Variants in ST6GALNAC4 observed in about 807,000 individuals in gnomAD.
ST6GALNAC4 encodes the protein ST6 N-acetylgalactosaminide alpha-2,6-sialyltransferase 4, also known as alpha-N-acetyl-neuraminyl-2,3-beta-galactosyl-1,3-N-acetyl-galactosaminide alpha-2,6-sialyltransferase.
Under a neutral mutation model 30.4 loss-of-function variants are expected in ST6GALNAC4, and 24 were observed. That is an observed-to-expected ratio of 0.79 (90% confidence interval 0.57 to 1.11). ST6GALNAC4 has a LOEUF of 1.11. Ranked by LOEUF, ST6GALNAC4 falls within the 50% of genes most tolerant of loss-of-function variation. ST6GALNAC4 has a pLI of 0.00. For missense variants in ST6GALNAC4, 365 were observed against 430.1 expected, an observed-to-expected ratio of 0.85 and a Z score of 1.34; for synonymous variants, 156 against 179.7, an observed-to-expected ratio of 0.87 and a Z score of 1.05.
At chr9:127,916,713 A>G (rs979742213) in intron 1 of ST6GALNAC4, 113 bp downstream of exon 1, 2 of 545,492 alleles carry the variant, frequency 3.7e-6, no homozygotes, top group Non-Finnish European at 6.6e-6. Flanking sequence ...CCCAATTCCC[A>G]GTGCGCAGAT....
chr9:127,910,634 G>A (rs1831055206), intron 4 of ST6GALNAC4: 37 of 987,190 alleles, frequency 3.7e-5, no homozygotes, highest in Non-Finnish European at 4.5e-5. Flanking sequence ...GCTAGGTGGT[G>A]GCCCCAGCCT....
chr9:127,908,296 G>T lies in ST6GALNAC4; in HGVS notation c.*96C>A. The T allele has an allele frequency of 7.9e-7, 1 of 1,262,558 alleles. No homozygotes were observed. The highest frequency in any genetic ancestry group is 1.1e-6 in the Non-Finnish European group (1 of 935,142). 78.2% of individuals were successfully genotyped at this position (1,262,558 alleles called of 1,614,324 possible). The stretch of plus-strand genomic sequence containing the variant: ...CCACCCAGCACGTGGCAGGAGGCAG[G>T]ATCCATAAATTAAATGTTTTTGTGG... On this transcript the variant is annotated 3_prime_UTR_variant, in exon 6 of 6. Transcript: ENST00000335791.
chr9:127,914,376 A>G (rs112186185), intron 3 of ST6GALNAC4, among the ~76,000 whole-genome samples: 74 of 143,072 alleles, frequency 5.2e-4, no homozygotes, highest in African/African-American at 1.7e-3. Context: ...CTGGGCAACA[A>G]GAGCAAAACT....
intron 5 of ST6GALNAC4, among the ~76,000 whole-genome samples, 169 bp from the exon 6 acceptor site, chr9:127,908,750 G>C (rs41312218): frequency 0.014 from 2,141 of 151,914 alleles, 22 homozygotes; most frequent in Non-Finnish European, 0.024. Flanking sequence ...CGAGAGCCAG[G>C]GTTCGAGTCC....
rs1352615588 is a variant in ST6GALNAC4 at position 127,908,187 on chromosome 9, G to T, written c.*205C>A. ...TCAGGGAGTGGAGGGGGGAGACACG[G>T]CTCCCCCCTCCACTCCCCTTCAAGT... On this transcript the variant is annotated 3_prime_UTR_variant, in exon 6 of 6. Coordinates refer to ENST00000335791, the MANE Select transcript of ST6GALNAC4 (RefSeq NM_175039.4). 1.3e-5 allele frequency: 3 copies of T among 231,108 alleles called. No homozygotes were observed. The highest frequency in any genetic ancestry group is 7.0e-5 in the East Asian group (1 of 14,296). The allele number at this position is 231,108 out of a possible 1,614,324, so 14.3% of individuals were successfully genotyped here. A position where few individuals can be genotyped will look rare whatever the true frequency, so the allele number is the denominator to read the frequency against.
chr9:127,915,300 A>G (rs1412005282), intron 2 of ST6GALNAC4, among the ~76,000 whole-genome samples: 1 of 152,070 alleles, frequency 6.6e-6, no homozygotes, highest in Non-Finnish European at 1.5e-5. Context: ...CCTTCTGTAT[A>G]CTGTAAAGTG....
chr9:127,914,521 A>G (rs1298132772), intron 3 of ST6GALNAC4, 135 bp downstream of exon 3: 13 of 448,378 alleles, frequency 2.9e-5, no homozygotes, highest in Non-Finnish European at 4.4e-5. Flanking sequence ...AAAAAAAAAG[A>G]ACCTAGGGCT....
intron 3 of ST6GALNAC4, 129 bp downstream of exon 3, chr9:127,914,527 G>C: frequency 4.5e-6 from 1 of 222,888 alleles, no homozygotes. Context: ...AAAGAACCTA[G>C]GGCTCAGAGA....
intron 5 of ST6GALNAC4, among the ~76,000 whole-genome samples, chr9:127,908,826 C>T (rs1048450053): frequency 6.6e-6 from 1 of 152,124 alleles, no homozygotes; most frequent in Non-Finnish European, 1.5e-5. Context: ...CTCAAGAGCC[C>T]GTGTGTAAAA....
rs144354490 is a variant in ST6GALNAC4 at position 127,909,076 on chromosome 9, A to C, written c.720-495T>G. The stretch of plus-strand genomic sequence containing the variant: ...CTCGGTGACCTGTTGTGAACTCGTT[A>C]GTTTCCATAATATTGAAATATAATA... On this transcript the variant is annotated intron_variant, in intron 5 of 5. Coordinates refer to ENST00000335791, the MANE Select transcript of ST6GALNAC4 (RefSeq NM_175039.4). Among the ~76,000 whole-genome samples the C allele has an allele frequency of 2.0e-3, 297 of 152,130 alleles. 7 individuals are homozygous for C. The highest frequency in any genetic ancestry group is 0.011 in the East Asian group (55 of 5,162).
chr9:127,912,510 G>A lies in ST6GALNAC4; in HGVS notation c.369C>T (p.Val123=), dbSNP rs143312362. The A allele has an allele frequency of 4.3e-5, 70 of 1,613,710 alleles. No individual in the cohort carries two copies. Among genetic ancestry groups the A allele is most frequent in the Non-Finnish European group, 5.6e-5 (66 of 1,179,912 alleles). The change falls in exon 4 of 6, where the codon GTC becomes GTT. Residue 123 remains valine (V), a synonymous_variant. Transcript: ENST00000335791. The part of the protein sequence containing the change: ...ADVGQRSTLR[V]VSHTSVPLLL... ...GCAGCGGCACGCTTGTGTGTGAGACGACACGCAGGGTGCTGCGCTGGCCCA... is the reference window on the plus strand; with the variant it reads ...GCAGCGGCACGCTTGTGTGTGAGACAACACGCAGGGTGCTGCGCTGGCCCA...
intron 5 of ST6GALNAC4, among the ~76,000 whole-genome samples, chr9:127,909,408 A>G (rs982550227): frequency 3.3e-5 from 5 of 151,342 alleles, no homozygotes; most frequent in Admixed American, 1.3e-4. Flanking sequence ...AAAAAGAAAT[A>G]TAATAATATA....
chr9:127,910,521 T>G (rs1297269364), intron 4 of ST6GALNAC4: 7 of 998,476 alleles, frequency 7.0e-6, no homozygotes. Flanking sequence ...CTGAGCCTCA[T>G]GACCAGTCTG....
At chr9:127,916,017 G>A (rs2131627136) in intron 2 of ST6GALNAC4, 1 of 300,838 alleles carries the variant, frequency 3.3e-6, no homozygotes, top group Admixed American at 4.7e-5. Flanking sequence ...CCCTGCCCAT[G>A]AGGAACCAGA....
chr9:127,912,670 C>G lies in ST6GALNAC4; in HGVS notation c.209G>C (p.Arg70Pro). 6.4e-7 allele frequency: 1 copy of G among 1,572,386 alleles called. No individual in the cohort carries two copies. The highest frequency in any genetic ancestry group is 8.6e-7 in the Non-Finnish European group (1 of 1,160,702). The part of the protein sequence containing the change: ...SSVPDGKPLV[R>P]EPCRSCAVVS... ...CACGGCACAGCTGCGGCAGGGCTCGCGGACCAGCGGCTGCAGGGCAGGCAG... is the reference window on the plus strand; with the variant it reads ...CACGGCACAGCTGCGGCAGGGCTCGGGGACCAGCGGCTGCAGGGCAGGCAG... Residue 70 changes from arginine (R) to proline (P), a missense_variant, in exon 4 of 6, where the codon CGC (arginine) becomes CCC (proline). Arg to Pro is a moderately radical substitution (Grantham distance 103). Coordinates refer to ENST00000335791, the MANE Select transcript of ST6GALNAC4 (RefSeq NM_175039.4).
intron 4 of ST6GALNAC4, 85 bp from the exon 5 acceptor site, chr9:127,910,143 C>T (rs1831044516): frequency 2.6e-6 from 4 of 1,537,212 alleles, no homozygotes; most frequent in Admixed American, 4.0e-5. Context: ...GGTACTTTGC[C>T]AGCCCGGGGC....
intron 4 of ST6GALNAC4, chr9:127,910,389 G>A: frequency 5.4e-6 from 6 of 1,107,822 alleles, no homozygotes; most frequent in Non-Finnish European, 6.7e-6. Context: ...CCAGGCCTGG[G>A]GAGACAGCAT....
At chr9:127,915,442 C>A (rs1831175781) in intron 2 of ST6GALNAC4, among the ~76,000 whole-genome samples, 1 of 152,200 alleles carries the variant, frequency 6.6e-6, no homozygotes, top group African/African-American at 2.4e-5. Flanking sequence ...CCCTGGTGAT[C>A]CGGATCTGGG....
intron 4 of ST6GALNAC4, 64 bp downstream of exon 4, chr9:127,912,197 GGACAAGA>G: frequency 6.5e-7 from 1 of 1,543,118 alleles, no homozygotes; most frequent in East Asian, 2.3e-5. Context: ...AGCCCCTGAT[GGACAAGA>G]GACTCCCAGA....
Sources: allele counts gnomAD v4.1 joint callset (sites outside exome capture counted in the v4.1 genomes callset), GRCh38; gene constraint gnomAD v4.1.1; transcripts MANE v1.5; gene names NCBI Gene and HGNC (gene_info 2026-07-23, HGNC 2026-07-21).